The following SYT7 variants were observed in gnomAD, a reference collection of about 807,000 sequenced individuals.
SYT7 encodes synaptotagmin 7, also known as synaptotagmin-7.
Under a neutral mutation model 75.1 loss-of-function variants are expected in SYT7, and 29 were observed. The observed-to-expected ratio is 0.39, with a 90% CI of 0.29 to 0.53. The LOEUF is 0.53. SYT7 is among the 20% of genes least tolerant of loss of function. The probability of loss-of-function intolerance (pLI) is 0.77; values close to 1 mark genes in which losing one functional copy is unlikely to be tolerated. For synonymous variants in SYT7, 376 were observed against 401.7 expected (o/e 0.94, Z 0.76); for missense variants, 693 against 953.2 (o/e 0.73, Z 3.59).
chr11:61,570,224 T>C (rs1392397586), intron 1 of SYT7, among the ~76,000 whole-genome samples: 2 of 152,198 alleles, frequency 1.3e-5, no homozygotes, highest in African/African-American at 4.8e-5. Flanking sequence ...TTCTGGGCGA[T>C]GGGCAACAAC....
In SYT7 at chr11:61,524,167, C is replaced by T. The variant is rs1236123221; in HGVS notation, c.1641+196G>A. Among the ~76,000 whole-genome samples, 1 of 152,210 alleles carries T rather than the reference C, an allele frequency of 6.6e-6. No individual in the cohort carries two copies. The highest frequency in any genetic ancestry group is 1.5e-5 in the Non-Finnish European group (1 of 68,026). ...GAACATAGCCCTAGGTTCCTTCTTA[C>T]AGATCGGGTGAGTCCCCCCAAGTGC... On this transcript the variant is annotated intron_variant, in intron 10 of 12. Transcript: ENST00000539008. The surrounding 1 kb of genome is among the most constrained non-coding windows in gnomAD (Gnocchi z 4.1).
At chr11:61,572,958 G>A (rs1169092534) in intron 1 of SYT7, among the ~76,000 whole-genome samples, 1 of 152,256 alleles carries the variant, frequency 6.6e-6, no homozygotes, top group African/African-American at 2.4e-5. Context: ...CATGTGTGCT[G>A]CCAGCGCCTC....
rs369589795 is a variant in SYT7 at position 61,545,651 on chromosome 11, T to A, written c.572+380A>T. Among the ~76,000 whole-genome samples the A allele has an allele frequency of 6.6e-5, 10 of 152,094 alleles. No individual in the cohort carries two copies. In the South Asian group the frequency reaches 1.2e-3, roughly 19 times the overall value. ...CTGAGAGTGGGCCAGATACCCAGGATGAGATGGAACAACCACAGGCCTGCT... is the reference window on the plus strand; with the variant it reads ...CTGAGAGTGGGCCAGATACCCAGGAAGAGATGGAACAACCACAGGCCTGCT... On this transcript the variant is annotated intron_variant, in intron 5 of 12. Coordinates refer to ENST00000539008, the MANE Select transcript of SYT7 (RefSeq NM_001365809.2).
intron 1 of SYT7, among the ~76,000 whole-genome samples, chr11:61,572,085 C>A (rs901820986): frequency 3.2e-4 from 49 of 152,108 alleles, no homozygotes; most frequent in Non-Finnish European, 3.8e-4. Context: ...CCTCCCCAAC[C>A]AGGCGGGGGC....
In SYT7 at chr11:61,576,269, C is replaced by T. The variant is rs1337494242; in HGVS notation, c.31+4521G>A. Among the ~76,000 whole-genome samples, 2 of 152,244 alleles carry T rather than the reference C, an allele frequency of 1.3e-5. No individual in the cohort carries two copies. The highest frequency in any genetic ancestry group is 2.9e-5 in the Non-Finnish European group (2 of 68,036). On this transcript the variant is annotated intron_variant, in intron 1 of 12. Coordinates refer to ENST00000539008, the MANE Select transcript of SYT7 (RefSeq NM_001365809.2). This position sits in a 1 kb window ranked among gnomAD's most constrained non-coding sequence, Gnocchi z 4.1. ...CTGGAAGGTCAGGGACCTCCATGCC[C>T]ACGGAACTGGCAGAATTCACCTGGC...
At chr11:61,530,101 C>T (rs1419827115) in intron 8 of SYT7, among the ~76,000 whole-genome samples, 6 of 152,238 alleles carry the variant, frequency 3.9e-5, no homozygotes, top group Non-Finnish European at 7.3e-5. Context: ...GGTGTTCCAA[C>T]TGTGGCTGCG....
intron 1 of SYT7, among the ~76,000 whole-genome samples, chr11:61,574,458 G>A (rs1198845240): frequency 1.3e-5 from 2 of 152,170 alleles, no homozygotes; most frequent in East Asian, 3.8e-4. Context: ...TGCTCCACAA[G>A]GCTTGCTATT....
At chr11:61,521,964 G>A (rs1395988642) in intron 12 of SYT7, among the ~76,000 whole-genome samples, 1 of 152,172 alleles carries the variant, frequency 6.6e-6, no homozygotes, top group Non-Finnish European at 1.5e-5. Flanking sequence ...ATTTTGAGAG[G>A]AGAAAATGAG....
chr11:61,528,239 G>T, intron 8 of SYT7, 54 bp from the exon 9 acceptor site: 2 of 1,584,268 alleles, frequency 1.3e-6, no homozygotes, highest in Non-Finnish European at 8.6e-7. Flanking sequence ...CTTCCCCCAT[G>T]TCCCCACCGC....
In SYT7 at chr11:61,580,717, G is replaced by A; in HGVS notation, c.31+73C>T. ...GACAACAGCCCCAGGCTGGGGCTCC[G>A]AGACGGCGTCCGGCGCTGCCGCTGT... On this transcript the variant is annotated intron_variant, in intron 1 of 12. Coordinates refer to ENST00000539008, the MANE Select transcript of SYT7 (RefSeq NM_001365809.2). The surrounding 1 kb of genome is among the most constrained non-coding windows in gnomAD (Gnocchi z 6.1). The A allele has an allele frequency of 9.4e-7, 1 of 1,061,130 alleles. No homozygotes were observed. Among genetic ancestry groups the A allele is most frequent in the Non-Finnish European group, 1.2e-6 (1 of 838,266 alleles). The allele number at this position is 1,061,130 out of a possible 1,614,324, so 65.7% of individuals were successfully genotyped here. A position where few individuals can be genotyped will look rare whatever the true frequency, so the allele number is the denominator to read the frequency against.
intron 3 of SYT7, among the ~76,000 whole-genome samples, chr11:61,549,440 G>A (rs1301828575): frequency 6.6e-6 from 1 of 152,214 alleles, no homozygotes; most frequent in Admixed American, 6.5e-5. Flanking sequence ...TCGTGGAATA[G>A]CTATGACTCA....
chr11:61,587,674 T>C, the SYT7 span, among the ~76,000 whole-genome samples: 1 of 151,400 alleles, frequency 6.6e-6, no homozygotes, highest in African/African-American at 2.4e-5. Context: ...CCGCTCTTAA[T>C]AGCTGAGCGC....
chr11:61,577,903 C>T (rs2064128474), intron 1 of SYT7, among the ~76,000 whole-genome samples: 1 of 152,206 alleles, frequency 6.6e-6, no homozygotes, highest in African/African-American at 2.4e-5. Context: ...GCTGTCCTGC[C>T]TGCCCACTGC....
chr11:61,564,833 G>C (rs1411432664), intron 1 of SYT7, among the ~76,000 whole-genome samples: 1 of 152,104 alleles, frequency 6.6e-6, no homozygotes, highest in African/African-American at 2.4e-5. Context: ...CCATCCACTG[G>C]CCCAGGCATT....
chr11:61,533,984 G>A (rs142897412), intron 7 of SYT7, among the ~76,000 whole-genome samples: 1 of 152,082 alleles, frequency 6.6e-6, no homozygotes, highest in Admixed American at 6.5e-5. Flanking sequence ...ACTCCATGCC[G>A]TTCCCAGGAT....
chr11:61,571,717 A>C (rs74979228), intron 1 of SYT7, among the ~76,000 whole-genome samples: 8,049 of 152,216 alleles, frequency 0.053, 430 homozygotes, highest in African/African-American at 0.14. Flanking sequence ...GGGGGTGGAG[A>C]GGGAGAGAAA....
At chr11:61,585,080 G>A (rs1220639944), upstream of SYT7, among the ~76,000 whole-genome samples, 4 of 152,190 alleles carry the variant, frequency 2.6e-5, no homozygotes, top group Non-Finnish European at 5.9e-5. Flanking sequence ...TTCAGGGAGG[G>A]ACATTCTGTC....
Position 61,551,576 on chromosome 11 carries a change from A to G in SYT7, c.136-113T>C. On this transcript the variant is annotated intron_variant, in intron 2 of 12. Transcript: ENST00000539008. This position sits in a 1 kb window ranked among gnomAD's most constrained non-coding sequence, Gnocchi z 5.3. The stretch of plus-strand genomic sequence containing the variant: ...TAGACTGGAGTCGGGCCGTGGCAAC[A>G]AGGCCAGGACCAGTGTGCGAGGCTG... 2 of 1,093,054 alleles carry G rather than the reference A, an allele frequency of 1.8e-6. No individual in the cohort carries two copies. 67.7% of individuals were successfully genotyped at this position (1,093,054 alleles called of 1,614,324 possible).
rs1484954047 is a variant in SYT7, at chr11:61,515,074, C to T, written c.*3553G>A. Among the ~76,000 whole-genome samples, 1 of 152,234 alleles carries T rather than the reference C, an allele frequency of 6.6e-6. No individual in the cohort carries two copies. The highest frequency in any genetic ancestry group is 1.5e-5 in the Non-Finnish European group (1 of 68,030). On this transcript the variant is annotated 3_prime_UTR_variant, in exon 13 of 13. Coordinates refer to ENST00000539008, the MANE Select transcript of SYT7 (RefSeq NM_001365809.2). Reference sequence around the variant, plus strand: ...ACTCCCAAAAAGCCTTGTGTCAGGCCTGATCTGGGAGATGTAGCTGCCTCT... The same window carrying T: ...ACTCCCAAAAAGCCTTGTGTCAGGCTTGATCTGGGAGATGTAGCTGCCTCT...
Sources: allele counts gnomAD v4.1 joint callset (sites outside exome capture counted in the v4.1 genomes callset), GRCh38; gene constraint gnomAD v4.1.1; non-coding constraint Gnocchi (gnomAD v3.1); transcripts MANE v1.5; gene names NCBI Gene and HGNC (gene_info 2026-07-23, HGNC 2026-07-21).